The following RBM19 variants were observed in gnomAD, a reference collection of about 807,000 sequenced individuals.
RBM19 encodes RNA binding motif protein 19, also known as probable RNA-binding protein 19.
Under a neutral mutation model 116.8 loss-of-function variants are expected in RBM19, and 94 were observed. The ratio of observed to expected loss-of-function variants is 0.80; its 90% CI spans 0.68 to 0.95. The LOEUF (loss-of-function observed/expected upper bound fraction) is 0.95, where lower values mean the gene tolerates loss of function less well. RBM19 is among the 40% of genes least tolerant of loss of function. The pLI is 0.00. For synonymous variants in RBM19, 475 were observed against 494.1 expected (o/e 0.96, Z 0.51); for missense variants, 1,161 against 1,220.7 (o/e 0.95, Z 0.73).
intron 16 of RBM19, among the ~76,000 whole-genome samples, chr12:113,930,360 A>G (rs1289464777): frequency 6.6e-6 from 1 of 152,202 alleles, no homozygotes; most frequent in East Asian, 1.9e-4. Context: ...TCCCTGGTCT[A>G]TGAGCAGTGG....
At chr12:113,851,747 T>A (rs955477648) in intron 22 of RBM19, among the ~76,000 whole-genome samples, 1 of 151,766 alleles carries the variant, frequency 6.6e-6, no homozygotes, top group Non-Finnish European at 1.5e-5. Context: ...TTTTTTTTTT[T>A]TTTTAATTTA....
At position 113,946,373 on chromosome 12, in the gene RBM19, C is replaced by A; in HGVS notation, c.1510G>T (p.Asp504Tyr). Residue 504 changes from aspartate (D) to tyrosine (Y), a missense_variant, in exon 12 of 24, where the codon GAC (aspartate) becomes TAC (tyrosine). Physicochemically the swap from Asp to Tyr is radical, Grantham distance 160. Coordinates refer to ENST00000261741, the MANE Select transcript of RBM19 (RefSeq NM_016196.4). ...GAGGACCTGGCACTGTTGGCTTTGT[C>A]CTGGGCCTCCTTCTTCTTCTTGTAG... ...SSYKKKKEAQDKANSASSHNW... is the reference protein window; with the variant it reads ...SSYKKKKEAQYKANSASSHNW... The A allele has an allele frequency of 1.2e-6, 2 of 1,614,050 alleles. No homozygotes were observed. The highest frequency in any genetic ancestry group is 1.7e-6 in the Non-Finnish European group (2 of 1,180,000).
intron 17 of RBM19, among the ~76,000 whole-genome samples, chr12:113,926,248 T>C (rs1869060468): frequency 6.6e-6 from 1 of 152,186 alleles, no homozygotes; most frequent in Non-Finnish European, 1.5e-5. Context: ...CTTGACCCCA[T>C]GATCGAATTT....
intron 8 of RBM19, among the ~76,000 whole-genome samples, chr12:113,950,868 A>T (rs1214993316): frequency 6.6e-6 from 1 of 151,976 alleles, no homozygotes; most frequent in Non-Finnish European, 1.5e-5. Flanking sequence ...ATCCATCCCC[A>T]TAAACATCTT....
chr12:113,868,804 C>T (rs1879019644), intron 21 of RBM19, among the ~76,000 whole-genome samples: 5 of 152,200 alleles, frequency 3.3e-5, no homozygotes, highest in Admixed American at 2.6e-4. Flanking sequence ...TCACCAGGGA[C>T]TGTATACAGC....
chr12:113,876,603 C>T (rs942427828), intron 21 of RBM19, among the ~76,000 whole-genome samples: 1 of 151,918 alleles, frequency 6.6e-6, no homozygotes, highest in Non-Finnish European at 1.5e-5. Flanking sequence ...CCAGCCTGGG[C>T]AACATGGTGA....
intron 14 of RBM19, 106 bp downstream of exon 14, chr12:113,942,218 A>C: frequency 3.3e-6 from 3 of 919,858 alleles, no homozygotes; most frequent in Non-Finnish European, 4.9e-6. Flanking sequence ...AATCAGTAAT[A>C]GTCCTTAGAA....
Position 113,830,728 on chromosome 12 carries a change from C to A in RBM19, c.2786-7407G>T, listed in dbSNP as rs556756351. Among the ~76,000 whole-genome samples the A allele has an allele frequency of 2.9e-3, 448 of 152,244 alleles. 1 individual carries two copies. Among genetic ancestry groups the A allele is most frequent in the Non-Finnish European group, 5.0e-3 (339 of 68,010 alleles). ...CTGCAGAGGGAAAAGGGAAAAAGAA[C>A]CAGGAAAGGTGGGAAGGCATCCCCT... is the stretch of plus-strand genomic sequence containing the variant. On this transcript the variant is annotated intron_variant, in intron 23 of 23. Transcript: ENST00000261741.
chr12:113,893,253 C>T (rs532055197), intron 21 of RBM19, among the ~76,000 whole-genome samples: 56 of 152,110 alleles, frequency 3.7e-4, no homozygotes, highest in African/African-American at 1.2e-3. Flanking sequence ...TCAAGCAATC[C>T]GCCTGCCTCA....
chr12:113,888,980 A>G (rs1880744036), intron 21 of RBM19, among the ~76,000 whole-genome samples: 1 of 152,214 alleles, frequency 6.6e-6, no homozygotes, highest in Admixed American at 6.5e-5. Context: ...GACTGTGATC[A>G]TGGCTGGTAT....
At chr12:113,844,850 C>T in intron 22 of RBM19, 62 bp from the exon 23 acceptor site, 1 of 1,501,666 alleles carries the variant, frequency 6.7e-7, no homozygotes, top group Non-Finnish European at 8.9e-7. Flanking sequence ...ACACTCCACT[C>T]TGCCTGCCAG....
chr12:113,819,934 C>T (rs554424822), downstream of RBM19, among the ~76,000 whole-genome samples: 17 of 152,218 alleles, frequency 1.1e-4, no homozygotes, highest in South Asian at 1.5e-3. Flanking sequence ...TCCTAGTTCC[C>T]GTTTAAAACA....
intron 18 of RBM19, among the ~76,000 whole-genome samples, chr12:113,922,479 G>A (rs1868668356): frequency 6.6e-6 from 1 of 152,276 alleles, no homozygotes; most frequent in African/African-American, 2.4e-5. Flanking sequence ...ATGCTGAAGA[G>A]TGCTCCCCAG....
chr12:113,867,444 C>T lies in RBM19; in HGVS notation c.2559-8548G>A, dbSNP rs546180906. 5.9e-5 allele frequency among the ~76,000 whole-genome samples: 9 copies of T among 152,272 alleles called. No individual in the cohort carries two copies. The East Asian group carries it at 1.2e-3, about 20-fold the overall frequency. On this transcript the variant is annotated intron_variant, in intron 21 of 23. Coordinates refer to ENST00000261741, the MANE Select transcript of RBM19 (RefSeq NM_016196.4). Reference sequence around the variant, plus strand: ...AAAGAAATGTGGACCTGATGTGCTCCGGCCTCCAGGGGGCGTGGATTTTAA... The same window carrying T: ...AAAGAAATGTGGACCTGATGTGCTCTGGCCTCCAGGGGGCGTGGATTTTAA...
chr12:113,928,624 GAT>G (rs1491129424), intron 16 of RBM19, among the ~76,000 whole-genome samples: 1 of 54,270 alleles, frequency 1.8e-5, no homozygotes, highest in African/African-American at 7.6e-5. Flanking sequence ...GTTAGCAAGG[GAT>G]GTGTGTGTGT....
intron 21 of RBM19, among the ~76,000 whole-genome samples, chr12:113,875,442 G>A (rs954311930): frequency 2.6e-5 from 4 of 152,280 alleles, no homozygotes; most frequent in Non-Finnish European, 4.4e-5. Flanking sequence ...AGGTCTAATC[G>A]GGTCTGTGCG....
intron 23 of RBM19, among the ~76,000 whole-genome samples, chr12:113,828,298 G>C (rs1422424698): frequency 6.6e-6 from 1 of 152,130 alleles, no homozygotes. Context: ...TAACCTGTGA[G>C]TGTGGCAGAC....
chr12:113,842,978 G>A (rs569751224), intron 23 of RBM19, among the ~76,000 whole-genome samples: 197 of 152,216 alleles, frequency 1.3e-3, no homozygotes, highest in Non-Finnish European at 2.2e-3. Flanking sequence ...GTGTTCTGAA[G>A]CGTGTGGCAG....
intron 21 of RBM19, among the ~76,000 whole-genome samples, chr12:113,897,431 A>G (rs767834581): frequency 6.6e-6 from 1 of 152,230 alleles, no homozygotes; most frequent in African/African-American, 2.4e-5. Flanking sequence ...CTCCCAAAGC[A>G]CTGGGATTAC....
Sources: allele counts gnomAD v4.1 joint callset (sites outside exome capture counted in the v4.1 genomes callset), GRCh38; gene constraint gnomAD v4.1.1; transcripts MANE v1.5; gene names NCBI Gene and HGNC (gene_info 2026-07-23, HGNC 2026-07-21).